The following RNF122 variants were observed in gnomAD, a reference collection of about 807,000 sequenced individuals.
RNF122 encodes the protein ring finger protein 122.
RNF122 carries 17 observed loss-of-function variants against 24.2 expected under a neutral mutation model. That is an observed-to-expected ratio of 0.70 (90% CI 0.48 to 1.06). The LOEUF (loss-of-function observed/expected upper bound fraction) is 1.06. Ranked by LOEUF, RNF122 falls within the 50% of genes least tolerant of loss-of-function variation. RNF122 has a pLI of 0.00. For missense variants in RNF122, 168 were observed against 198.1 expected, an observed-to-expected ratio of 0.85 and a Z score of 0.91; for synonymous variants, 65 against 71.8, an observed-to-expected ratio of 0.91 and a Z score of 0.48.
chr8:33,551,897 G>C (rs907056808), intron 2 of RNF122, among the ~76,000 whole-genome samples: 2 of 152,150 alleles, frequency 1.3e-5, no homozygotes, highest in African/African-American at 4.8e-5. Context: ...CAACACAGAC[G>C]ATGCCTCCTT....
chr8:33,556,708 C>A (rs2128839587), intron 2 of RNF122, among the ~76,000 whole-genome samples: 1 of 152,236 alleles, frequency 6.6e-6, no homozygotes, highest in African/African-American at 2.4e-5. Context: ...GGAGAGATAC[C>A]AGAAATCTAC....
chr8:33,566,408 G>A (rs1225308724), intron 1 of RNF122, among the ~76,000 whole-genome samples: 1 of 152,244 alleles, frequency 6.6e-6, no homozygotes, highest in Non-Finnish European at 1.5e-5. Flanking sequence ...GGCAGGGGAA[G>A]GGGGTAGAAG....
chr8:33,559,705 C>A (rs184204024), intron 1 of RNF122, among the ~76,000 whole-genome samples: 67 of 152,180 alleles, frequency 4.4e-4, no homozygotes, highest in Non-Finnish European at 1.9e-4. Flanking sequence ...TGCAACTTCC[C>A]TTACTGTGGT....
chr8:33,566,806 A>T lies in RNF122; in HGVS notation c.-83T>A. The T allele has an allele frequency of 7.3e-7, 1 of 1,377,948 alleles. No homozygotes were observed. Among genetic ancestry groups the T allele is most frequent in the Non-Finnish European group, 1.0e-6 (1 of 988,028 alleles). The allele number at this position is 1,377,948 out of a possible 1,614,324, so 85.4% of individuals were successfully genotyped here. ...GCGGGGTGGGAGCACTAGCGGCGTG[A>T]GGGGCCGCAGGCGGGGTCGGGGCAG... On this transcript the variant is annotated 5_prime_UTR_variant, in exon 1 of 6. Coordinates refer to ENST00000256257, the MANE Select transcript of RNF122 (RefSeq NM_024787.3).
At chr8:33,562,054 GCTCT>G (rs1416883268) in intron 1 of RNF122, among the ~76,000 whole-genome samples, 7 of 152,098 alleles carry the variant, frequency 4.6e-5, no homozygotes, top group African/African-American at 1.7e-4. Flanking sequence ...TGCCTGAAAC[GCTCT>G]CTCTGAGGCC....
At chr8:33,551,662 C>T (rs1307258737) in intron 2 of RNF122, among the ~76,000 whole-genome samples, 2 of 152,244 alleles carry the variant, frequency 1.3e-5, no homozygotes. Context: ...AGCTCATTCA[C>T]TCACCCTGCC....
chr8:33,548,840 G>C lies in RNF122; in HGVS notation c.381C>G (p.Arg127=). The C allele has an allele frequency of 6.2e-7, 1 of 1,613,946 alleles. No individual in the cohort carries two copies. Among genetic ancestry groups the C allele is most frequent in the Non-Finnish European group, 8.5e-7 (1 of 1,179,904 alleles). ...GCTTGTTACACATGGGGCAGACACA[G>C]CGAACTTCCAGCCATTTCACCAGAC... ...RKCLVKWLEV[R]CVCPMCNKPI... Residue 127 remains arginine, a synonymous_variant, in exon 6 of 6, where the codon CGC becomes CGG. Coordinates refer to ENST00000256257, the MANE Select transcript of RNF122 (RefSeq NM_024787.3).
chr8:33,564,109 G>A (rs1810585741), intron 1 of RNF122, among the ~76,000 whole-genome samples: 1 of 152,176 alleles, frequency 6.6e-6, no homozygotes, highest in African/African-American at 2.4e-5. Context: ...AGCTGACACT[G>A]TAGTAAGTTT....
At chr8:33,565,323 A>G (rs1321244746) in intron 1 of RNF122, among the ~76,000 whole-genome samples, 6 of 152,120 alleles carry the variant, frequency 3.9e-5, no homozygotes, top group Non-Finnish European at 8.8e-5. Flanking sequence ...CCTGCCTCAA[A>G]ACAAAGCCTC....
Position 33,548,808 on chromosome 8 carries a change from G to T in RNF122, c.413C>A (p.Ala138Asp). Residue 138 changes from alanine to aspartate, a missense_variant, in exon 6 of 6, where the codon GCT becomes GAT. Transcript: ENST00000256257. ...CVCPMCNKPI[A>D]SPSEATQNIG... ...GTTCTGCGTGGCCTCTGAGGGACTA[G>T]CAATGGGCTTGTTACACATGGGGCA... is the stretch of plus-strand genomic sequence containing the variant. 6.2e-7 allele frequency: 1 copy of T among 1,614,062 alleles called. No individual in the cohort carries two copies.
rs543884792 is a variant in RNF122, at chr8:33,551,136, C to A, written c.229-51G>T. ...TCCAAAGAAGAACCAACCACTGGGG[C>A]CAGCCAGGTAGTATCAACCAATGAA... On this transcript the variant is annotated intron_variant, in intron 3 of 5. Coordinates refer to ENST00000256257, the MANE Select transcript of RNF122 (RefSeq NM_024787.3). The A allele has an allele frequency of 3.7e-6, 6 of 1,600,016 alleles. No individual in the cohort carries two copies. In the East Asian group the frequency reaches 1.1e-4, roughly 30 times the overall value.
Position 33,566,766 on chromosome 8 carries a change from C to A in RNF122, c.-43G>T. ...GCTTCCTCGGGCGAACGGACGCAGG[C>A]GGGGTGCCAGGAGGGCGGGGTGGGA... On this transcript the variant is annotated 5_prime_UTR_variant, in exon 1 of 6. Coordinates refer to ENST00000256257, the MANE Select transcript of RNF122 (RefSeq NM_024787.3). The A allele has an allele frequency of 6.3e-7, 1 of 1,589,198 alleles. No individual in the cohort carries two copies. Among genetic ancestry groups the A allele is most frequent in the East Asian group, 2.3e-5 (1 of 43,788 alleles).
At chr8:33,563,472 G>T (rs1810571855) in intron 1 of RNF122, among the ~76,000 whole-genome samples, 1 of 152,174 alleles carries the variant, frequency 6.6e-6, no homozygotes. Flanking sequence ...TGAAATGAAA[G>T]AAATAATTAG....
chr8:33,554,512 T>G (rs1016769725), intron 2 of RNF122, among the ~76,000 whole-genome samples: 1 of 152,166 alleles, frequency 6.6e-6, no homozygotes, highest in African/African-American at 2.4e-5. Flanking sequence ...CCCCTCATCC[T>G]GCATACAGAT....
rs1408183097 is a variant in RNF122, at chr8:33,567,083, G to A, written c.-360C>T. ...AAAACCTTTGCCGGAGGCTCGGATC[G>A]GGTTCAGCGGCGCAGAGGTGAGCTG... On this transcript the variant is annotated 5_prime_UTR_variant, in exon 1 of 6. Coordinates refer to ENST00000256257, the MANE Select transcript of RNF122 (RefSeq NM_024787.3). 8.7e-6 allele frequency: 3 copies of A among 344,324 alleles called. No homozygotes were observed. The highest frequency in any genetic ancestry group is 1.6e-5 in the Non-Finnish European group (3 of 182,402). The allele number at this position is 344,324 out of a possible 1,614,324, so 21.3% of individuals were successfully genotyped here. A position where few individuals can be genotyped will look rare whatever the true frequency, so the allele number is the denominator to read the frequency against.
chr8:33,555,656 A>G (rs1225608961), intron 2 of RNF122, among the ~76,000 whole-genome samples: 1 of 152,226 alleles, frequency 6.6e-6, no homozygotes, highest in Non-Finnish European at 1.5e-5. Flanking sequence ...CTCAAAAGGC[A>G]AACACTTGGA....
In RNF122 at chr8:33,547,817, AC is replaced by A. The variant is rs1283506474; in HGVS notation, c.*935del. 4.0e-5 allele frequency: 6 copies of A among 151,784 alleles called. No individual in the cohort carries two copies. Among genetic ancestry groups the A allele is most frequent in the African/African-American group, 9.7e-5 (4 of 41,282 alleles). The allele number at this position is 151,784 out of a possible 1,614,324, so 9.4% of individuals were successfully genotyped here. A position where few individuals can be genotyped will look rare whatever the true frequency, so the allele number is the denominator to read the frequency against. ...AAATATGTAACTTTCTCCCACCCTC[AC>A]CCACTCCAGGGAGGAACAGAAAATC... is the stretch of plus-strand genomic sequence containing the variant. On this transcript the variant is annotated 3_prime_UTR_variant, in exon 6 of 6. Transcript: ENST00000256257.
In RNF122 at chr8:33,549,557, C is replaced by A. The variant is rs1810340702; in HGVS notation, c.271-65G>T. 21 of 1,261,166 alleles carry A rather than the reference C, an allele frequency of 1.7e-5. 1 individual carries two copies. In the South Asian group the frequency reaches 2.5e-4, roughly 15 times the overall value. The allele number at this position is 1,261,166 out of a possible 1,614,324, so 78.1% of individuals were successfully genotyped here. ...ACCATCTCACTCATTCAACCCCAGA[C>A]AAGAAAACTAAGCTCTAGCCTAGTC... On this transcript the variant is annotated intron_variant, in intron 4 of 5. Coordinates refer to ENST00000256257, the MANE Select transcript of RNF122 (RefSeq NM_024787.3).
intron 1 of RNF122, among the ~76,000 whole-genome samples, chr8:33,562,402 TGTG>T (rs2128840526): frequency 6.6e-6 from 1 of 151,512 alleles, no homozygotes; most frequent in South Asian, 2.1e-4. Context: ...ATTAGCTGGG[TGTG>T]GTGGTAAGTG....
Sources: allele counts gnomAD v4.1 joint callset (sites outside exome capture counted in the v4.1 genomes callset), GRCh38; gene constraint gnomAD v4.1.1; transcripts MANE v1.5; gene names NCBI Gene and HGNC (gene_info 2026-07-23, HGNC 2026-07-21).